COL5A2: variants seen among roughly 807,000 people sequenced by gnomAD.
The protein encoded by COL5A2 is collagen type V alpha 2 chain.
A neutral mutation model predicts 208.2 loss-of-function variants in COL5A2; 23 were observed. The ratio of observed to expected loss-of-function variants is 0.11; its 90% confidence interval spans 0.08 to 0.16. The LOEUF (loss-of-function observed/expected upper bound fraction) is 0.16. Among genes scored for constraint, COL5A2 ranks in the 10% least tolerant of loss-of-function variants. The pLI is 1.00. For synonymous variants in COL5A2, 625 were observed against 628.5 expected (o/e 0.99, Z 0.08); for missense variants, 1,590 against 1,956.4 (o/e 0.81, Z 3.53).
chr2:189,159,535 AT>A (rs1332023511), intron 1 of COL5A2, among the ~76,000 whole-genome samples: 1 of 152,120 alleles, frequency 6.6e-6, no homozygotes, highest in African/African-American at 2.4e-5. Context: ...CTCAAAAGTC[AT>A]TTTTGGCTCT....
At chr2:189,256,686 C>G in the COL5A2 span, among the ~76,000 whole-genome samples, 4 of 152,212 alleles carry the variant, frequency 2.6e-5, no homozygotes, top group Non-Finnish European at 4.4e-5. Flanking sequence ...GAGTCTCGCT[C>G]TGTTGCCCAG....
intron 1 of COL5A2, among the ~76,000 whole-genome samples, chr2:189,215,920 C>T (rs577638948): frequency 2.0e-5 from 3 of 152,154 alleles, no homozygotes; most frequent in Non-Finnish European, 4.4e-5. Context: ...TTCCCTGTAA[C>T]TAGCACAGCA....
chr2:189,076,173 G>A (rs60863981), intron 16 of COL5A2, among the ~76,000 whole-genome samples: 2,675 of 152,212 alleles, frequency 0.018, 25 homozygotes, highest in Non-Finnish European at 0.02. Flanking sequence ...CAGTTTCTAA[G>A]AGCACTCACC....
At chr2:189,096,408 G>A (rs571088767) in intron 6 of COL5A2, among the ~76,000 whole-genome samples, 2 of 151,856 alleles carry the variant, frequency 1.3e-5, no homozygotes, top group African/African-American at 4.8e-5. Context: ...TAGGGAGGCC[G>A]AGGCGGGCGG....
chr2:189,409,905 T>C, the COL5A2 span, among the ~76,000 whole-genome samples: 1,238 of 152,298 alleles, frequency 8.1e-3, 11 homozygotes, highest in Non-Finnish European at 0.012. Context: ...ACTTAGAATC[T>C]GTTTGCTTTA....
At chr2:189,431,507 T>G in the COL5A2 span, among the ~76,000 whole-genome samples, 3 of 152,280 alleles carry the variant, frequency 2.0e-5, no homozygotes, top group South Asian at 6.2e-4. Flanking sequence ...TTAAATGACC[T>G]GATAGAGCTG....
intron 32 of COL5A2, 68 bp from the exon 33 acceptor site, chr2:189,058,595 G>C: frequency 7.1e-7 from 1 of 1,398,950 alleles, no homozygotes; most frequent in Non-Finnish European, 1.0e-6. Flanking sequence ...ATGTTTCTGA[G>C]AAATGGCTTC....
chr2:189,391,643 A>C, the COL5A2 span, among the ~76,000 whole-genome samples: 3 of 152,166 alleles, frequency 2.0e-5, no homozygotes, highest in African/African-American at 7.2e-5. Context: ...CATCCACCAG[A>C]TTTCTCCTTC....
chr2:189,083,334 G>A (rs1464680251), intron 12 of COL5A2, among the ~76,000 whole-genome samples: 1 of 152,174 alleles, frequency 6.6e-6, no homozygotes, highest in Non-Finnish European at 1.5e-5. Flanking sequence ...CTTGGATTCT[G>A]GTGGAGTAGT....
At chr2:189,324,875 T>A in the COL5A2 span, among the ~76,000 whole-genome samples, 6 of 152,158 alleles carry the variant, frequency 3.9e-5, no homozygotes, top group Admixed American at 2.6e-4. Context: ...CACATATGTC[T>A]ATTGCGGCAC....
At chr2:189,074,858 A>T (rs540662922) in intron 17 of COL5A2, among the ~76,000 whole-genome samples, 35 of 152,126 alleles carry the variant, frequency 2.3e-4, no homozygotes, top group Non-Finnish European at 3.7e-4. Context: ...CTCATTCTTT[A>T]TTCTTAGCCA....
chr2:189,136,108 C>A (rs945470885), intron 1 of COL5A2, among the ~76,000 whole-genome samples: 2 of 152,296 alleles, frequency 1.3e-5, no homozygotes, highest in Non-Finnish European at 2.9e-5. Context: ...GCTCTGTTTT[C>A]TCAGCACTGA....
intron 1 of COL5A2, among the ~76,000 whole-genome samples, chr2:189,148,045 G>C (rs978736897): frequency 3.9e-5 from 6 of 152,072 alleles, no homozygotes; most frequent in African/African-American, 1.4e-4. Flanking sequence ...AGTATTAATA[G>C]AAAGAGGACA....
At chr2:189,105,899 T>C (rs545025454) in intron 2 of COL5A2, among the ~76,000 whole-genome samples, 1 of 151,672 alleles carries the variant, frequency 6.6e-6, no homozygotes, top group African/African-American at 2.4e-5. Context: ...ACAAGGTTTA[T>C]GAAATAATTC....
the COL5A2 span, among the ~76,000 whole-genome samples, chr2:189,245,728 C>A: frequency 5.9e-5 from 9 of 152,100 alleles, no homozygotes; most frequent in Admixed American, 5.9e-4. Context: ...CCCACCTCGG[C>A]CTCCCAAAGT....
At chr2:189,180,527 CTTCTGCCTTTTGTGAGTGG>C (rs1283817382), upstream of COL5A2, among the ~76,000 whole-genome samples, 1 of 152,128 alleles carries the variant, frequency 6.6e-6, no homozygotes, top group Non-Finnish European at 1.5e-5. Context: ...AAAAGGCTTG[CTTCTGCCTTTTGTGAGTGG>C]TTCTGCCACT....
intron 8 of COL5A2, among the ~76,000 whole-genome samples, chr2:189,087,955 A>T (rs916234693): frequency 1.3e-5 from 2 of 152,194 alleles, no homozygotes; most frequent in Non-Finnish European, 2.9e-5. Context: ...AACTTTAAAA[A>T]TATACAAATA....
chr2:189,167,243 A>G (rs1343694434), intron 1 of COL5A2, among the ~76,000 whole-genome samples: 1 of 152,222 alleles, frequency 6.6e-6, no homozygotes, highest in Non-Finnish European at 1.5e-5. Flanking sequence ...TGGCAACTTT[A>G]CAAGATGTAT....
chr2:189,399,689 T>G, the COL5A2 span, among the ~76,000 whole-genome samples: 1 of 152,004 alleles, frequency 6.6e-6, no homozygotes, highest in Non-Finnish European at 1.5e-5. Context: ...GTTGTTTTGG[T>G]TTGGTTTTGG....
Sources: allele counts gnomAD v4.1 joint callset (sites outside exome capture counted in the v4.1 genomes callset), GRCh38; gene constraint gnomAD v4.1.1; transcripts MANE v1.5; gene names NCBI Gene and HGNC (gene_info 2026-07-23, HGNC 2026-07-21).